The following ETF1 variants were observed in gnomAD, a reference collection of about 807,000 sequenced individuals.
ETF1 encodes eukaryotic translation termination factor 1.
A neutral mutation model predicts 55.1 loss-of-function variants in ETF1; 4 were observed. The observed-to-expected ratio is 0.07, with a 90% CI of 0.04 to 0.17. The LOEUF is 0.17. Among genes scored for constraint, ETF1 ranks in the 10% least tolerant of loss-of-function variants. ETF1 has a pLI of 1.00. For missense variants in ETF1, 142 were observed against 523.6 expected (o/e 0.27, Z 7.11); for synonymous variants, 157 against 182.3 (o/e 0.86, Z 1.12).
In ETF1 at chr5:138,507,913, T is replaced by C; in HGVS notation, c.*392A>G. ...CAAAATAAGAAACAAACCAGTATGA[T>C]CTCACTTCTATTAACTTTTGAAGGT... is the stretch of plus-strand genomic sequence containing the variant. On this transcript the variant is annotated 3_prime_UTR_variant, in exon 11 of 11. Coordinates refer to ENST00000360541, the MANE Select transcript of ETF1 (RefSeq NM_004730.4). The C allele has an allele frequency of 6.0e-6, 1 of 167,742 alleles. No individual in the cohort carries two copies. The highest frequency in any genetic ancestry group is 1.8e-4 in the South Asian group (1 of 5,702). The allele number at this position is 167,742 out of a possible 1,614,324, so 10.4% of individuals were successfully genotyped here. A position where few individuals can be genotyped will look rare whatever the true frequency, so the allele number is the denominator to read the frequency against.
At chr5:138,538,595 A>G (rs969279914) in intron 2 of ETF1, among the ~76,000 whole-genome samples, 2 of 152,192 alleles carry the variant, frequency 1.3e-5, no homozygotes, top group African/African-American at 2.4e-5. Flanking sequence ...CCTGAACTTT[A>G]AATGGTTCAG....
At chr5:138,539,015 GTT>G (rs1304707229) in intron 2 of ETF1, among the ~76,000 whole-genome samples, 1 of 152,160 alleles carries the variant, frequency 6.6e-6, no homozygotes, top group Non-Finnish European at 1.5e-5. Flanking sequence ...TAAGTAAACA[GTT>G]TTTAAAATGT....
intron 2 of ETF1, 143 bp downstream of exon 2, chr5:138,542,690 G>C: frequency 6.7e-7 from 1 of 1,482,914 alleles, no homozygotes; most frequent in South Asian, 1.3e-5. Context: ...TCGCCCCTGG[G>C]TCAGGGGCTA....
intron 2 of ETF1, among the ~76,000 whole-genome samples, chr5:138,527,709 G>C (rs932142185): frequency 6.6e-6 from 1 of 151,780 alleles, no homozygotes; most frequent in Admixed American, 6.6e-5. Flanking sequence ...AATTTTACTG[G>C]CTTATGCTTG....
chr5:138,516,754 A>G (rs1416223741), intron 4 of ETF1, among the ~76,000 whole-genome samples: 1 of 152,222 alleles, frequency 6.6e-6, no homozygotes, highest in Non-Finnish European at 1.5e-5. Context: ...AACTTCTTAA[A>G]AAGTTAAACA....
At chr5:138,539,867 G>A (rs796184672) in intron 2 of ETF1, among the ~76,000 whole-genome samples, 2 of 152,270 alleles carry the variant, frequency 1.3e-5, no homozygotes, top group African/African-American at 2.4e-5. Flanking sequence ...TCTGAACTCT[G>A]CTACATTTTT....
chr5:138,543,090 G>A lies in ETF1; in HGVS notation c.-19+7C>T. The A allele has an allele frequency of 1.5e-6, 1 of 678,696 alleles. No homozygotes were observed. Among genetic ancestry groups the A allele is most frequent in the East Asian group, 2.8e-5 (1 of 36,100 alleles). The allele number at this position is 678,696 out of a possible 1,614,324, so 42.0% of individuals were successfully genotyped here. On this transcript the variant is annotated splice_region_variant and intron_variant, in intron 1 of 10. Transcript: ENST00000360541. ...AGGTCACCGGCCTTTCCCTCCCTGT[G>A]CCTTACCTAAGGGCCCAGTCCTGGG...
rs1764553983 is a variant in ETF1 at position 138,506,245 on chromosome 5, T to C, written c.*2060A>G. ...TATGTGTTTGTATGTGTAAGTGTAA[T>C]ACATATCAATATATATTGATACACA... On this transcript the variant is annotated 3_prime_UTR_variant, in exon 11 of 11. Coordinates refer to ENST00000360541, the MANE Select transcript of ETF1 (RefSeq NM_004730.4). 3 of 152,642 alleles carry C rather than the reference T, an allele frequency of 2.0e-5. No homozygotes were observed. 9.5% of individuals were successfully genotyped at this position (152,642 alleles called of 1,614,324 possible). A position where few individuals can be genotyped will look rare whatever the true frequency, so the allele number is the denominator to read the frequency against.
intron 2 of ETF1, among the ~76,000 whole-genome samples, chr5:138,519,844 T>C (rs1765165133): frequency 6.6e-6 from 1 of 152,116 alleles, no homozygotes; most frequent in Non-Finnish European, 1.5e-5. Context: ...ATGGAAGATT[T>C]TGGTTTTTTA....
intron 2 of ETF1, among the ~76,000 whole-genome samples, chr5:138,537,196 T>C (rs1044752001): frequency 1.3e-5 from 2 of 152,236 alleles, no homozygotes; most frequent in Non-Finnish European, 2.9e-5. Context: ...ATATATACTC[T>C]GTCCTCTTCC....
At chr5:138,516,344 C>T (rs1469020546) in intron 4 of ETF1, among the ~76,000 whole-genome samples, 1 of 150,632 alleles carries the variant, frequency 6.6e-6, no homozygotes, top group African/African-American at 2.4e-5. Context: ...ACCCCATATA[C>T]ACCTACTATG....
At chr5:138,522,393 A>T (rs906872362) in intron 2 of ETF1, among the ~76,000 whole-genome samples, 1 of 152,184 alleles carries the variant, frequency 6.6e-6, no homozygotes, top group African/African-American at 2.4e-5. Context: ...TCTTCATTCA[A>T]TGCTGTTGGG....
At chr5:138,513,035 G>T in intron 5 of ETF1, 81 bp from the exon 6 acceptor site, 1 of 1,425,524 alleles carries the variant, frequency 7.0e-7, no homozygotes. Context: ...AAATAATCAT[G>T]TCATCATCTA....
chr5:138,518,590 C>T lies in ETF1; in HGVS notation c.262+102G>A, dbSNP rs1765115710. ...AAGGCCAAAGAGACACTGATGACAG[C>T]CGACTTAAGGGAACATTAGTGAACA... On this transcript the variant is annotated intron_variant, in intron 3 of 10. Coordinates refer to ENST00000360541, the MANE Select transcript of ETF1 (RefSeq NM_004730.4). The T allele has an allele frequency of 1.9e-5, 19 of 986,834 alleles. No homozygotes were observed. In the South Asian group the frequency reaches 3.4e-4, roughly 18 times the overall value. 61.1% of individuals were successfully genotyped at this position (986,834 alleles called of 1,614,324 possible). A position where few individuals can be genotyped will look rare whatever the true frequency, so the allele number is the denominator to read the frequency against.
intron 2 of ETF1, 112 bp from the exon 3 acceptor site, chr5:138,518,979 T>A: frequency 6.5e-7 from 1 of 1,532,344 alleles, no homozygotes; most frequent in Non-Finnish European, 8.8e-7. Flanking sequence ...TGGAAACAGG[T>A]CACTCTCAAA....
At chr5:138,533,202 G>A (rs1446295801) in intron 2 of ETF1, among the ~76,000 whole-genome samples, 1 of 151,898 alleles carries the variant, frequency 6.6e-6, no homozygotes, top group Non-Finnish European at 1.5e-5. Flanking sequence ...CCAAAGTGCT[G>A]GGATTACAGG....
At chr5:138,535,054 G>A (rs185883258) in intron 2 of ETF1, among the ~76,000 whole-genome samples, 25 of 149,524 alleles carry the variant, frequency 1.7e-4, no homozygotes, top group African/African-American at 3.0e-4. Flanking sequence ...GGGTTCAAGC[G>A]ATTCTCTTGC....
intron 2 of ETF1, among the ~76,000 whole-genome samples, chr5:138,522,978 T>C (rs985870797): frequency 2.7e-5 from 4 of 149,572 alleles, no homozygotes; most frequent in Non-Finnish European, 5.9e-5. Context: ...TGCAGTCTGG[T>C]TGGGGCGAAA....
At chr5:138,519,007 A>G in intron 2 of ETF1, 140 bp from the exon 3 acceptor site, 5 of 1,462,716 alleles carry the variant, frequency 3.4e-6, no homozygotes, top group South Asian at 2.9e-5. Flanking sequence ...TGTAGGGACT[A>G]TATTAGTCTT....
Sources: gnomAD v4.1 joint callset for allele counts (sites outside exome capture counted in the v4.1 genomes callset) on GRCh38, gnomAD v4.1.1 for gene constraint, MANE v1.5 for transcripts, NCBI Gene and HGNC (gene_info 2026-07-23, HGNC 2026-07-21) for gene names.